The following BPI variants were observed in gnomAD, a reference collection of about 807,000 sequenced individuals.
BPI encodes the protein bactericidal permeability increasing protein.
In BPI, 48 loss-of-function variants were observed where a neutral mutation model predicts 57.6. The observed-to-expected ratio is 0.83, with a 90% CI of 0.66 to 1.06. BPI has a LOEUF of 1.06. Among genes scored for constraint, BPI ranks in the 50% least tolerant of loss-of-function variants. BPI has a pLI of 0.00. For missense variants in BPI, 651 were observed against 609.7 expected (o/e 1.07, Z -0.71); for synonymous variants, 237 against 238.2 (o/e 0.99, Z 0.05).
intron 7 of BPI, 81 bp from the exon 8 acceptor site, chr20:38,323,789 A>C: frequency 6.8e-7 from 1 of 1,475,366 alleles, no homozygotes; most frequent in East Asian, 2.3e-5. Context: ...TGGTGTCTTC[A>C]GTCCATTTTT....
rs1249568462 is a variant in BPI at position 38,334,444 on chromosome 20, G to A, written c.1287G>A (p.Gln429=). The change falls in exon 13 of 15, where the codon CAG becomes CAA. Residue 429 remains glutamine (Q), a synonymous_variant. Coordinates refer to ENST00000642449, the MANE Select transcript of BPI (RefSeq NM_001725.3). ...NIGPFPVELL[Q]DIMNYIVPIL... is the part of the protein sequence containing the mutation. Reference sequence around the variant, plus strand: ...CTGATTTCCAGGTTGAATTGCTGCAGGATATCATGAACTACATTGTACCCA... The same window carrying A: ...CTGATTTCCAGGTTGAATTGCTGCAAGATATCATGAACTACATTGTACCCA... 6.2e-7 allele frequency: 1 copy of A among 1,614,042 alleles called. No homozygotes were observed. The highest frequency in any genetic ancestry group is 2.2e-5 in the East Asian group (1 of 44,876).
intron 5 of BPI, chr20:38,317,681 T>A (rs779386650): frequency 2.4e-6 from 2 of 817,214 alleles, no homozygotes; most frequent in South Asian, 2.9e-5. Context: ...ACAGACTCCA[T>A]CTCTTGGTGG....
chr20:38,320,474 A>C (rs1231439108), intron 7 of BPI, among the ~76,000 whole-genome samples, 200 bp downstream of exon 7: 43 of 113,860 alleles, frequency 3.8e-4, no homozygotes, highest in African/African-American at 6.6e-4. Flanking sequence ...TGCCTGCCCC[A>C]CCCCCCTCCA....
intron 9 of BPI, among the ~76,000 whole-genome samples, chr20:38,325,618 C>T (rs1217837506): frequency 6.6e-6 from 1 of 152,174 alleles, no homozygotes; most frequent in Non-Finnish European, 1.5e-5. Flanking sequence ...AATGCAGCCA[C>T]ACTGGGAATT....
intron 14 of BPI, 146 bp from the exon 15 acceptor site, chr20:38,337,000 A>G: frequency 1.8e-6 from 1 of 552,944 alleles, no homozygotes; most frequent in South Asian, 2.7e-5. Flanking sequence ...CCGGGCAGCG[A>G]AACACTGAGT....
Position 38,318,494 on chromosome 20 carries a change from A to G in BPI, c.664+18A>G. 1 of 1,608,762 alleles carries G rather than the reference A, an allele frequency of 6.2e-7. No homozygotes were observed. The highest frequency in any genetic ancestry group is 8.5e-7 in the Non-Finnish European group (1 of 1,175,198). On this transcript the variant is annotated intron_variant, in intron 6 of 14. Transcript: ENST00000642449. ...TCTGCCAGGTGAGGGCTGGATGAAG[A>G]TCAAGGATAGAAAGGAACAGAAATG... is the stretch of plus-strand genomic sequence containing the variant.
At chr20:38,311,749 C>A in intron 4 of BPI, 125 bp from the exon 5 acceptor site, 1 of 830,860 alleles carries the variant, frequency 1.2e-6, no homozygotes, top group Non-Finnish European at 2.0e-6. Context: ...AGTTAGAGCT[C>A]AGAGGAGAGG....
chr20:38,324,159 A>C, intron 8 of BPI, 113 bp downstream of exon 8: 1 of 1,285,954 alleles, frequency 7.8e-7, no homozygotes. Context: ...TAAAGTGTTG[A>C]CTCTAGAGTC....
intron 13 of BPI, among the ~76,000 whole-genome samples, chr20:38,335,015 T>C (rs909968100): frequency 1.3e-5 from 2 of 152,178 alleles, no homozygotes; most frequent in African/African-American, 4.8e-5. Context: ...CCATATAACC[T>C]GTGACTAGGA....
At chr20:38,336,534 C>T (rs1041587800) in intron 14 of BPI, among the ~76,000 whole-genome samples, 1 of 152,076 alleles carries the variant, frequency 6.6e-6, no homozygotes, top group Admixed American at 6.6e-5. Context: ...TGGTCAAAGG[C>T]TTTCCTGATA....
Position 38,334,419 on chromosome 20 carries a change from C to T in BPI, c.1273-11C>T. ...GCAGGGCCATCCTCCCATCCTCCCT[C>T]TGATTTCCAGGTTGAATTGCTGCAG... On this transcript the variant is annotated splice_polypyrimidine_tract_variant and intron_variant, in intron 12 of 14. Transcript: ENST00000642449. 6.2e-7 allele frequency: 1 copy of T among 1,613,206 alleles called. No individual in the cohort carries two copies. Among genetic ancestry groups the T allele is most frequent in the Non-Finnish European group, 8.5e-7 (1 of 1,179,142 alleles).
chr20:38,304,580 G>A (rs1286636234), intron 1 of BPI, among the ~76,000 whole-genome samples: 1 of 152,222 alleles, frequency 6.6e-6, no homozygotes, highest in Non-Finnish European at 1.5e-5. Flanking sequence ...AGGACTCCAA[G>A]TCCAGTGCTC....
intron 7 of BPI, 150 bp downstream of exon 7, chr20:38,320,424 C>T (rs2076675571): frequency 1.4e-6 from 1 of 723,152 alleles, no homozygotes; most frequent in Non-Finnish European, 2.3e-6. Context: ...CTCCCTGCTC[C>T]AGTCACACTG....
intron 11 of BPI, among the ~76,000 whole-genome samples, chr20:38,330,425 T>C (rs943494947): frequency 5.9e-5 from 9 of 152,046 alleles, no homozygotes; most frequent in South Asian, 2.1e-4. Flanking sequence ...ATGGTTGGGG[T>C]TCAATAAACA....
chr20:38,316,344 G>A (rs1568812201), intron 5 of BPI, among the ~76,000 whole-genome samples: 1 of 152,228 alleles, frequency 6.6e-6, no homozygotes. Context: ...GGAGGATTAA[G>A]AACCTGAAGA....
Position 38,324,002 on chromosome 20 carries a change from T to C in BPI, c.889T>C (p.Tyr297His), listed in dbSNP as rs1242871394. 1.9e-6 allele frequency: 3 copies of C among 1,614,040 alleles called. No homozygotes were observed. Among genetic ancestry groups the C allele is most frequent in the Admixed American group, 1.7e-5 (1 of 59,998 alleles). Residue 297 changes from tyrosine to histidine, a missense_variant, in exon 8 of 15, where the codon TAC becomes CAC. Tyr to His is a moderately conservative substitution (Grantham distance 83). Transcript: ENST00000642449. ...CTTCTTCAACACAGCCGGGCTTGTATACCAAGAGGCTGGGGTCTTGAAGAT... is the reference window on the plus strand; with the variant it reads ...CTTCTTCAACACAGCCGGGCTTGTACACCAAGAGGCTGGGGTCTTGAAGAT... ...DYFFNTAGLV[Y>H]QEAGVLKMTL...
chr20:38,334,845 G>C (rs149542609), intron 13 of BPI, among the ~76,000 whole-genome samples: 125 of 152,280 alleles, frequency 8.2e-4, no homozygotes, highest in African/African-American at 2.9e-3. Context: ...TTTGATCCTA[G>C]CAGTGAAAAC....
rs534280463 is a variant in BPI, at chr20:38,314,866, G to A, written c.600+2929G>A. On this transcript the variant is annotated intron_variant, in intron 5 of 14. Coordinates refer to ENST00000642449, the MANE Select transcript of BPI (RefSeq NM_001725.3). ...TAATGGTGGAGATGATGATGATGATGATGGTGATGGTGATGGTGAGACTGA... is the reference window on the plus strand; with the variant it reads ...TAATGGTGGAGATGATGATGATGATAATGGTGATGGTGATGGTGAGACTGA... 2.6e-3 allele frequency among the ~76,000 whole-genome samples: 393 copies of A among 151,598 alleles called. 2 individuals are homozygous for A. Among genetic ancestry groups the A allele is most frequent in the African/African-American group, 9.1e-3 (375 of 41,310 alleles).
chr20:38,309,198 C>T, intron 3 of BPI, 140 bp downstream of exon 3: 1 of 1,237,378 alleles, frequency 8.1e-7, no homozygotes, highest in Non-Finnish European at 1.1e-6. Flanking sequence ...GGAAATTCTT[C>T]ACATGAGAAG....
Sources: gnomAD v4.1 joint callset for allele counts (sites outside exome capture counted in the v4.1 genomes callset) on GRCh38, gnomAD v4.1.1 for gene constraint, MANE v1.5 for transcripts, NCBI Gene and HGNC (gene_info 2026-07-23, HGNC 2026-07-21) for gene names.